Variants in LBR observed in about 807,000 individuals in gnomAD.
The protein encoded by LBR is delta(14)-sterol reductase LBR.
Under a neutral mutation model 74.3 loss-of-function variants are expected in LBR, and 28 were observed. That is an observed-to-expected ratio of 0.38 (90% CI 0.28 to 0.52). The LOEUF is 0.52. Among genes scored for constraint, LBR ranks in the 20% least tolerant of loss-of-function variants. The pLI, the probability that LBR is intolerant of heterozygous loss-of-function variation, is 0.89. For synonymous variants in LBR, 228 were observed against 269.3 expected (o/e 0.85, Z 1.50); for missense variants, 717 against 760.3 (o/e 0.94, Z 0.67).
At chr1:225,419,581 CTTAAT>C (rs1558656441) in intron 4 of LBR, 129 bp from the exon 5 acceptor site, 3 of 1,009,934 alleles carry the variant, frequency 3.0e-6, no homozygotes, top group Non-Finnish European at 4.5e-6. Context: ...TATATTCAGT[CTTAAT>C]TTAAGGACAG....
intron 3 of LBR, among the ~76,000 whole-genome samples, chr1:225,420,858 T>C (rs1378747878): frequency 6.6e-6 from 1 of 152,150 alleles, no homozygotes; most frequent in African/African-American, 2.4e-5. Flanking sequence ...ACTTTCTTGA[T>C]GCAATCTGGC....
intron 3 of LBR, among the ~76,000 whole-genome samples, 179 bp downstream of exon 3, chr1:225,421,898 T>C (rs1211074072): frequency 6.6e-6 from 1 of 152,258 alleles, no homozygotes; most frequent in East Asian, 1.9e-4. Context: ...AAGGACATTC[T>C]TTTCCATTGA....
intron 3 of LBR, among the ~76,000 whole-genome samples, chr1:225,420,867 G>C (rs2096126326): frequency 6.6e-6 from 1 of 151,946 alleles, no homozygotes; most frequent in Non-Finnish European, 1.5e-5. Context: ...ATGCAATCTG[G>C]CAATATGTAT....
chr1:225,412,995 T>C (rs1375060405), intron 7 of LBR, among the ~76,000 whole-genome samples: 1 of 152,194 alleles, frequency 6.6e-6, no homozygotes, highest in Non-Finnish European at 1.5e-5. Flanking sequence ...TTAACAGAGC[T>C]GGGCCAAACA....
chr1:225,424,790 T>C (rs1049830331), intron 1 of LBR, among the ~76,000 whole-genome samples: 2 of 152,288 alleles, frequency 1.3e-5, no homozygotes, highest in African/African-American at 2.4e-5. Flanking sequence ...AGCCCCACAA[T>C]ACTCTAGGAA....
At chr1:225,418,353 A>T (rs1269878132) in intron 5 of LBR, among the ~76,000 whole-genome samples, 173 bp from the exon 6 acceptor site, 1 of 152,108 alleles carries the variant, frequency 6.6e-6, no homozygotes, top group Admixed American at 6.6e-5. Flanking sequence ...GTGGCCTGGC[A>T]ACCATGGGCA....
intron 1 of LBR, chr1:225,427,236 G>C (rs1253925983): frequency 6.6e-6 from 1 of 152,270 alleles, no homozygotes; most frequent in Non-Finnish European, 1.5e-5. Flanking sequence ...CTGGCAGTGC[G>C]AGGCTGGCTG....
At chr1:225,414,641 T>C (rs751520875) in intron 7 of LBR, among the ~76,000 whole-genome samples, 129 of 152,298 alleles carry the variant, frequency 8.5e-4, no homozygotes, top group African/African-American at 3.0e-3. Context: ...ACCCACTACA[T>C]GCCCATCTTC....
At chr1:225,423,022 G>T (rs567218959) in intron 2 of LBR, among the ~76,000 whole-genome samples, 3 of 152,140 alleles carry the variant, frequency 2.0e-5, no homozygotes, top group Non-Finnish European at 4.4e-5. Context: ...TTTACTTTCT[G>T]TGCTTTATTC....
intron 7 of LBR, among the ~76,000 whole-genome samples, chr1:225,414,536 G>A (rs77351919): frequency 0.039 from 5,915 of 152,266 alleles, 149 homozygotes; most frequent in Middle Eastern, 0.061. Context: ...CTTACAGTGC[G>A]AGATGCCGGA....
chr1:225,411,518 A>G, intron 8 of LBR, 78 bp from the exon 9 acceptor site: 2 of 1,020,336 alleles, frequency 2.0e-6, no homozygotes, highest in Admixed American at 3.4e-5. Context: ...GCCGCCCACT[A>G]TCCAGGCTCA....
At chr1:225,407,789 T>C (rs1046260381) in intron 10 of LBR, among the ~76,000 whole-genome samples, 4 of 151,844 alleles carry the variant, frequency 2.6e-5, no homozygotes, top group African/African-American at 9.7e-5. Flanking sequence ...AGAAAGCAAA[T>C]AGGCCATGGA....
At chr1:225,417,747 T>G in intron 6 of LBR, 1 of 486,500 alleles carries the variant, frequency 2.1e-6, no homozygotes, top group South Asian at 2.5e-5. Flanking sequence ...TAAGCAAGTG[T>G]TATACAGACA....
chr1:225,423,768 A>G, intron 2 of LBR, 143 bp downstream of exon 2: 1 of 812,264 alleles, frequency 1.2e-6, no homozygotes, highest in Non-Finnish European at 2.1e-6. Context: ...TCCCAGAGCC[A>G]AAAACAGTAT....
At chr1:225,414,359 G>T in intron 7 of LBR, 1 of 337,146 alleles carries the variant, frequency 3.0e-6, no homozygotes, top group South Asian at 2.4e-5. Context: ...GAATTGAAAG[G>T]ATAAAAAGTT....
chr1:225,416,214 AGAGAG>A (rs1480437542), intron 6 of LBR, among the ~76,000 whole-genome samples: 1 of 128,746 alleles, frequency 7.8e-6, no homozygotes, highest in African/African-American at 2.8e-5. Flanking sequence ...AAAAAAAAAA[AGAGAG>A]AGAGAGAGAG....
In LBR at chr1:225,406,825, A is replaced by G. The variant is rs2096092895; in HGVS notation, c.1322T>C (p.Leu441Ser). The G allele has an allele frequency of 6.2e-7, 1 of 1,614,178 alleles. No individual in the cohort carries two copies. The highest frequency in any genetic ancestry group is 1.3e-5 in the African/African-American group (1 of 75,048). The change falls in exon 11 of 14, where the codon TTG becomes TCG. Residue 441 changes from leucine to serine, a missense_variant. By Grantham distance (145) the Leu-to-Ser change is moderately radical. Transcript: ENST00000272163. ...VVDALWNEEA[L>S]LTTMDIIHDG... ...GTGGATGATGTCCATGGTCGTCAAC[A>G]ACGCTTCCTATAAGGATACAGACGG... is the stretch of plus-strand genomic sequence containing the variant.
Position 225,422,149 on chromosome 1 carries a change from A to G in LBR, c.294T>C (p.Ala98=), listed in dbSNP as rs1370414102. The change falls in exon 3 of 14, where the codon GCT becomes GCC. Residue 98 remains alanine, a synonymous_variant. Coordinates refer to ENST00000272163, the MANE Select transcript of LBR (RefSeq NM_002296.4). The part of the protein sequence containing the change: ...GRPPKSARRS[A]SASHQADIKE... ...TAATGTCGGCCTGGTGGGAAGCAGA[A>G]GCAGATCGGCGGGCACTTTTAGGTG... 1 of 1,614,056 alleles carries G rather than the reference A, an allele frequency of 6.2e-7. No individual in the cohort carries two copies. Among genetic ancestry groups the G allele is most frequent in the East Asian group, 2.2e-5 (1 of 44,894 alleles).
In LBR at chr1:225,411,328, C is replaced by G; in HGVS notation, c.1188+9G>C. 5 of 1,595,202 alleles carry G rather than the reference C, an allele frequency of 3.1e-6. No homozygotes were observed. Among genetic ancestry groups the G allele is most frequent in the Non-Finnish European group, 4.3e-6 (5 of 1,162,910 alleles). ...AATTGAAATTTAGAAGAAAAAAAAC[C>G]AGACATACCCATCCAATCAATCCGG... On this transcript the variant is annotated intron_variant, in intron 9 of 13. Transcript: ENST00000272163.
Sources: allele counts gnomAD v4.1 joint callset (sites outside exome capture counted in the v4.1 genomes callset), GRCh38; gene constraint gnomAD v4.1.1; transcripts MANE v1.5; gene names NCBI Gene and HGNC (gene_info 2026-07-23, HGNC 2026-07-21).